SYNPO2: variants seen among roughly 807,000 people sequenced by gnomAD.
The protein encoded by SYNPO2 is synaptopodin 2, also known as synaptopodin-2.
In SYNPO2, 56 loss-of-function variants were observed where a neutral mutation model predicts 85.0. The observed-to-expected ratio is 0.66, with a 90% CI of 0.53 to 0.82. SYNPO2 has a LOEUF of 0.82. SYNPO2 is among the 40% of genes least tolerant of loss of function. SYNPO2 has a pLI of 0.00. For synonymous variants in SYNPO2, 602 were observed against 591.1 expected (o/e 1.02, Z -0.27); for missense variants, 1,575 against 1,534.2 (o/e 1.03, Z -0.44).
At chr4:119,038,324 G>A (rs1000363540) in intron 4 of SYNPO2, 1 of 984,616 alleles carries the variant, frequency 1.0e-6, no homozygotes, top group Non-Finnish European at 1.2e-6. Context: ...GACGCATGTT[G>A]AAAGTGAAAA....
At chr4:118,937,670 T>C (rs967185670) in intron 1 of SYNPO2, among the ~76,000 whole-genome samples, 2 of 151,902 alleles carry the variant, frequency 1.3e-5, no homozygotes, top group African/African-American at 4.8e-5. Context: ...TCTTCACCTG[T>C]ACAATAAAGA....
intron 1 of SYNPO2, among the ~76,000 whole-genome samples, chr4:118,856,041 A>G (rs992606822): frequency 6.6e-6 from 1 of 152,162 alleles, no homozygotes; most frequent in Admixed American, 6.5e-5. Flanking sequence ...ATACCATAAC[A>G]TAGTGGATCT....
chr4:118,949,426 G>C (rs1734620814), intron 1 of SYNPO2, among the ~76,000 whole-genome samples: 1 of 152,044 alleles, frequency 6.6e-6, no homozygotes, highest in Non-Finnish European at 1.5e-5. Context: ...TGCAGGTATT[G>C]GTAGAGAAAA....
At position 119,031,860 on chromosome 4, in the gene SYNPO2, G is replaced by A. The variant is rs201416335; in HGVS notation, c.3085G>A (p.Ala1029Thr). ...GGCTTCGTCAGTGTACTCGGTACCA[G>A]CCTATACCTCTCCTCCTTCCTTCTT... ...VQASSVYSVP[A>T]YTSPPSFFAE... is the part of the protein sequence containing the mutation. Residue 1029 changes from alanine (A) to threonine (T), a missense_variant, in exon 4 of 5, where the codon GCC becomes ACC. Physicochemically the swap from Ala to Thr is moderately conservative, Grantham distance 58. Transcript: ENST00000307142. 39 of 1,614,100 alleles carry A rather than the reference G, an allele frequency of 2.4e-5. No homozygotes were observed. The highest frequency in any genetic ancestry group is 3.1e-5 in the Non-Finnish European group (37 of 1,180,054).
chr4:118,994,860 A>G (rs1578624856), intron 1 of SYNPO2, among the ~76,000 whole-genome samples: 3 of 152,240 alleles, frequency 2.0e-5, no homozygotes, highest in African/African-American at 7.2e-5. Flanking sequence ...ATGCCTGCCC[A>G]TGCAAGAATT....
At chr4:118,981,439 T>A (rs1736004230) in intron 1 of SYNPO2, among the ~76,000 whole-genome samples, 1 of 152,200 alleles carries the variant, frequency 6.6e-6, no homozygotes, top group South Asian at 2.1e-4. Flanking sequence ...GCCACGTCAA[T>A]GTCAATACCC....
chr4:119,038,261 T>G, intron 4 of SYNPO2: 6 of 985,220 alleles, frequency 6.1e-6, no homozygotes, highest in Non-Finnish European at 6.0e-6. Flanking sequence ...CCACATTCAA[T>G]GACATTAGGA....
intron 1 of SYNPO2, among the ~76,000 whole-genome samples, chr4:118,851,442 G>A (rs1330940204): frequency 2.0e-5 from 3 of 151,860 alleles, no homozygotes; most frequent in Non-Finnish European, 4.4e-5. Flanking sequence ...AGCCGAGATT[G>A]CACCATTGCA....
At chr4:118,945,005 C>T (rs537479448) in intron 1 of SYNPO2, among the ~76,000 whole-genome samples, 2 of 152,176 alleles carry the variant, frequency 1.3e-5, no homozygotes, top group Non-Finnish European at 2.9e-5. Flanking sequence ...AACCTCAGCT[C>T]CTTAATAAAA....
At chr4:118,989,523 C>T (rs1736332212) in intron 1 of SYNPO2, among the ~76,000 whole-genome samples, 1 of 152,150 alleles carries the variant, frequency 6.6e-6, no homozygotes, top group Non-Finnish European at 1.5e-5. Flanking sequence ...TTTTGATTTC[C>T]CAAAAGAATC....
In SYNPO2 at chr4:119,011,464, C is replaced by T. The variant is rs183281952; in HGVS notation, c.106-11966C>T. 4.6e-5 allele frequency among the ~76,000 whole-genome samples: 7 copies of T among 152,216 alleles called. No homozygotes were observed. In the East Asian group the frequency reaches 1.2e-3, roughly 25 times the overall value. On this transcript the variant is annotated intron_variant, in intron 1 of 4. Coordinates refer to ENST00000307142, the MANE Select transcript of SYNPO2 (RefSeq NM_133477.3). ...GTTGCTTATTGAGTCATGGTGGGAC[C>T]GTTGCCTTTGCTGGGGAAGACTCAG...
chr4:118,972,907 A>T (rs963715528), intron 1 of SYNPO2, among the ~76,000 whole-genome samples: 19 of 152,218 alleles, frequency 1.2e-4, no homozygotes, highest in Admixed American at 3.9e-4. Context: ...ATATTTTGTA[A>T]GCTGGCTATC....
At chr4:118,929,984 G>C (rs549199565) in intron 1 of SYNPO2, among the ~76,000 whole-genome samples, 1 of 152,102 alleles carries the variant, frequency 6.6e-6, no homozygotes, top group East Asian at 1.9e-4. Context: ...TGGTTATAAT[G>C]ATAAACGTCT....
At chr4:119,035,014 A>G (rs983137936) in intron 4 of SYNPO2, 1 of 985,374 alleles carries the variant, frequency 1.0e-6, no homozygotes, top group Non-Finnish European at 1.2e-6. Context: ...TAGGCAGAGC[A>G]TCCACGAAGT....
At chr4:119,038,326 A>C in intron 4 of SYNPO2, 1 of 985,344 alleles carries the variant, frequency 1.0e-6, no homozygotes. Context: ...CGCATGTTGA[A>C]AGTGAAAACC....
intron 1 of SYNPO2, 84 bp downstream of exon 1, chr4:118,889,225 T>C: frequency 8.0e-7 from 1 of 1,245,692 alleles, no homozygotes; most frequent in Non-Finnish European, 1.1e-6. Flanking sequence ...CAGGTTCTGA[T>C]GCAGAAGTCT....
chr4:119,015,537 C>T (rs1214677791), intron 1 of SYNPO2, among the ~76,000 whole-genome samples: 2 of 152,108 alleles, frequency 1.3e-5, no homozygotes, highest in East Asian at 3.9e-4. Flanking sequence ...AAAAGCAATA[C>T]AAGCAAGGTA....
At chr4:118,869,102 G>T (rs796501389) in intron 1 of SYNPO2, among the ~76,000 whole-genome samples, 10 of 152,308 alleles carry the variant, frequency 6.6e-5, no homozygotes, top group African/African-American at 1.9e-4. Flanking sequence ...TTTCGCTCTT[G>T]TTGCCCAGGC....
rs181453050 is a variant in SYNPO2, at chr4:118,976,953, G to A, written c.106-46477G>A. The stretch of plus-strand genomic sequence containing the variant: ...GAGCTAGATAATAAAGACTCTCCAC[G>A]TCCCCACCAGACTCAGGAACCCAGC... On this transcript the variant is annotated intron_variant, in intron 1 of 4. Coordinates refer to ENST00000307142, the MANE Select transcript of SYNPO2 (RefSeq NM_133477.3). Among the ~76,000 whole-genome samples, 1,165 of 152,344 alleles carry A rather than the reference G, an allele frequency of 7.6e-3. 9 individuals carry two copies. The highest frequency in any genetic ancestry group is 0.012 in the Non-Finnish European group (787 of 68,034).
Sources: gnomAD v4.1 joint callset for allele counts (sites outside exome capture counted in the v4.1 genomes callset) on GRCh38, gnomAD v4.1.1 for gene constraint, MANE v1.5 for transcripts, NCBI Gene and HGNC (gene_info 2026-07-23, HGNC 2026-07-21) for gene names.